Variants in LIPI observed in about 807,000 individuals in gnomAD.
The protein encoded by LIPI is lipase member I.
Under a neutral mutation model 50.6 loss-of-function variants are expected in LIPI, and 59 were observed. The observed-to-expected ratio is 1.16, with a 90% confidence interval of 0.94 to 1.45. LIPI has a LOEUF of 1.45. Ranked by LOEUF, LIPI falls within the 40% of genes most tolerant of loss-of-function variation. LIPI has a pLI of 0.00. For synonymous variants in LIPI, 203 were observed against 178.2 expected, an observed-to-expected ratio of 1.14 and a Z score of -1.11; for missense variants, 586 against 536.3, an observed-to-expected ratio of 1.09 and a Z score of -0.92.
At chr21:14,145,582 AAGG>A (rs748105999) in intron 8 of LIPI, among the ~76,000 whole-genome samples, 15 of 152,000 alleles carry the variant, frequency 9.9e-5, no homozygotes, top group South Asian at 2.1e-4. Context: ...GGAGAAAGAG[AAGG>A]AGAAGGAGGA....
chr21:14,138,707 A>G (rs2017596435), intron 9 of LIPI, among the ~76,000 whole-genome samples: 1 of 152,094 alleles, frequency 6.6e-6, no homozygotes, highest in Non-Finnish European at 1.5e-5. Context: ...GCTATTCCAT[A>G]ATCAATGTAT....
At chr21:14,134,295 A>G (rs899987268) in intron 9 of LIPI, among the ~76,000 whole-genome samples, 1 of 152,190 alleles carries the variant, frequency 6.6e-6, no homozygotes, top group Non-Finnish European at 1.5e-5. Flanking sequence ...GAAATCATAG[A>G]TGACACAAAC....
intron 9 of LIPI, among the ~76,000 whole-genome samples, chr21:14,109,757 C>T (rs969536773): frequency 6.6e-6 from 1 of 151,970 alleles, no homozygotes; most frequent in African/African-American, 2.4e-5. Flanking sequence ...TTTACAAAGC[C>T]TCTACAAGCA....
rs1175411208 is a variant in LIPI, at chr21:14,144,806, A to C, written c.1119-7T>G. The C allele has an allele frequency of 6.5e-7, 1 of 1,540,438 alleles. No homozygotes were observed. Among genetic ancestry groups the C allele is most frequent in the Non-Finnish European group, 9.0e-7 (1 of 1,115,434 alleles). ...ATAAAATGGTTTGTTCTTTCTAGAG[A>C]GAAAATTTGATACACGCAGCATATT... On this transcript the variant is annotated splice_polypyrimidine_tract_variant and splice_region_variant and intron_variant, in intron 8 of 9. Transcript: ENST00000681601.
chr21:14,126,668 T>C (rs1285036025), intron 9 of LIPI, among the ~76,000 whole-genome samples: 1 of 152,212 alleles, frequency 6.6e-6, no homozygotes, highest in Non-Finnish European at 1.5e-5. Flanking sequence ...CAGATAAGGT[T>C]TAAGAGAGGA....
intron 9 of LIPI, among the ~76,000 whole-genome samples, chr21:14,139,182 C>G (rs2017613495): frequency 6.6e-6 from 1 of 151,996 alleles, no homozygotes; most frequent in Admixed American, 6.6e-5. Context: ...AAATTGTATA[C>G]TATACCCAGT....
At chr21:14,142,546 C>A (rs1425257240) in intron 9 of LIPI, among the ~76,000 whole-genome samples, 2 of 150,884 alleles carry the variant, frequency 1.3e-5, no homozygotes, top group East Asian at 3.9e-4. Context: ...TGCAGTGGCA[C>A]AATTATGGCT....
At chr21:14,133,276 A>G (rs942706608) in intron 9 of LIPI, among the ~76,000 whole-genome samples, 1 of 152,266 alleles carries the variant, frequency 6.6e-6, no homozygotes. Flanking sequence ...GCACATTAAA[A>G]AAATAATACA....
chr21:14,151,848 GA>G (rs970616683), intron 8 of LIPI, among the ~76,000 whole-genome samples: 112 of 151,816 alleles, frequency 7.4e-4, no homozygotes, highest in African/African-American at 2.7e-3. Context: ...AAAAGATTGA[GA>G]AAAAAACAAA....
intron 2 of LIPI, among the ~76,000 whole-genome samples, chr21:14,186,270 T>A (rs758458197): frequency 6.6e-5 from 10 of 152,234 alleles, no homozygotes; most frequent in Non-Finnish European, 1.5e-4. Flanking sequence ...TTTTCTTTAT[T>A]CATTTTTAAT....
At chr21:14,124,058 T>G (rs2016961075) in intron 9 of LIPI, among the ~76,000 whole-genome samples, 2 of 152,174 alleles carry the variant, frequency 1.3e-5, no homozygotes, top group Non-Finnish European at 2.9e-5. Context: ...GTTTGGAGGC[T>G]TTAAAACTTT....
At chr21:14,145,681 G>T (rs1446929220) in intron 8 of LIPI, among the ~76,000 whole-genome samples, 2 of 151,610 alleles carry the variant, frequency 1.3e-5, no homozygotes, top group African/African-American at 4.9e-5. Context: ...GAAAGGGAAG[G>T]GACTAAAGAA....
chr21:14,198,819 G>C (rs191863267), intron 1 of LIPI, among the ~76,000 whole-genome samples: 234 of 151,780 alleles, frequency 1.5e-3, no homozygotes, highest in African/African-American at 5.5e-3. Context: ...TTTTTTCAAG[G>C]CCACATGGCA....
chr21:14,118,148 G>T (rs1435792414), intron 9 of LIPI, among the ~76,000 whole-genome samples: 1 of 152,030 alleles, frequency 6.6e-6, no homozygotes, highest in Admixed American at 6.6e-5. Flanking sequence ...CCGTCACTGG[G>T]CAAGGCATAG....
At chr21:14,165,489 G>A in intron 5 of LIPI, 99 bp from the exon 6 acceptor site, 1 of 817,550 alleles carries the variant, frequency 1.2e-6, no homozygotes, top group Non-Finnish European at 2.0e-6. Flanking sequence ...TAAATACTAT[G>A]TACCTTATGA....
chr21:14,156,303 A>AAAGAGG (rs531352108), intron 7 of LIPI, among the ~76,000 whole-genome samples: 21 of 152,026 alleles, frequency 1.4e-4, no homozygotes, highest in Admixed American at 1.3e-3. Flanking sequence ...AGGGGCCTTA[A>AAAGAGG]AAGAGGAAGA....
rs574692067 is a variant in LIPI, at chr21:14,170,270, A to G, written c.644-3819T>C. ...CCAGGACCAGATGGATTCACAGCCG[A>G]ATTCTACCAGAAGTACAAGGAGGAA... On this transcript the variant is annotated intron_variant, in intron 4 of 9. Transcript: ENST00000681601. Among the ~76,000 whole-genome samples, 153 of 152,344 alleles carry G rather than the reference A, an allele frequency of 1.0e-3. 1 individual carries two copies. The highest frequency in any genetic ancestry group is 3.7e-3 in the African/African-American group (152 of 41,576).
chr21:14,194,972 A>G (rs1242176520), intron 1 of LIPI, among the ~76,000 whole-genome samples: 1 of 152,178 alleles, frequency 6.6e-6, no homozygotes, highest in Non-Finnish European at 1.5e-5. Context: ...ACTGGACAAC[A>G]AAAAACACAG....
At chr21:14,168,966 C>T (rs1248160393) in intron 4 of LIPI, among the ~76,000 whole-genome samples, 3 of 150,892 alleles carry the variant, frequency 2.0e-5, no homozygotes, top group Non-Finnish European at 4.4e-5. Flanking sequence ...TTCAGGAAAC[C>T]CATCTCAAGT....
Sources: gnomAD v4.1 joint callset for allele counts (sites outside exome capture counted in the v4.1 genomes callset) on GRCh38, gnomAD v4.1.1 for gene constraint, MANE v1.5 for transcripts, NCBI Gene and HGNC (gene_info 2026-07-23, HGNC 2026-07-21) for gene names.